The following ZHX2 variants were observed in gnomAD, a reference collection of about 807,000 sequenced individuals.
ZHX2 encodes the protein zinc fingers and homeoboxes protein 2.
A neutral mutation model predicts 21.9 loss-of-function variants in ZHX2; 6 were observed. That is an observed-to-expected ratio of 0.27 (90% CI 0.15 to 0.54). ZHX2 has a LOEUF of 0.54. Ranked by LOEUF, ZHX2 falls within the 20% of genes least tolerant of loss-of-function variation. The probability of loss-of-function intolerance (pLI) is 0.95; values close to 1 mark genes in which losing one functional copy is unlikely to be tolerated. For missense variants in ZHX2, 908 were observed against 1,090.7 expected (o/e 0.83, Z 2.36); for synonymous variants, 434 against 437.1 (o/e 0.99, Z 0.09).
At chr8:122,928,454 G>T (rs1219909007) in intron 2 of ZHX2, among the ~76,000 whole-genome samples, 1 of 151,960 alleles carries the variant, frequency 6.6e-6, no homozygotes, top group South Asian at 2.1e-4. Context: ...GGTTTGGGGG[G>T]TACCTTGGAA....
intron 2 of ZHX2, among the ~76,000 whole-genome samples, chr8:122,930,070 A>G (rs1452063053): frequency 6.6e-6 from 1 of 152,196 alleles, no homozygotes. Context: ...AGGCTCTGAG[A>G]CAGATCACTG....
In ZHX2 at chr8:122,953,748, G is replaced by A; in HGVS notation, c.2238G>A (p.Val746=). The change falls in exon 3 of 4, where the codon GTG becomes GTA. Residue 746 remains valine, a synonymous_variant. Transcript: ENST00000314393. This position sits in a 1 kb window ranked among gnomAD's most constrained non-coding sequence, Gnocchi z 4.6. ...GCGAAGAGGACTTGGAGAAGTTGGT[G>A]ACCAGGGTAAAAGTAGGCAGCGAGC... is the stretch of plus-strand genomic sequence containing the variant. The part of the protein sequence containing the change: ...KLCEEDLEKL[V]TRVKVGSEPA... 1 of 1,614,274 alleles carries A rather than the reference G, an allele frequency of 6.2e-7. No homozygotes were observed. Among genetic ancestry groups the A allele is most frequent in the Admixed American group, 1.7e-5 (1 of 60,028 alleles).
chr8:122,898,297 A>C (rs751901008), intron 2 of ZHX2, among the ~76,000 whole-genome samples: 2 of 152,140 alleles, frequency 1.3e-5, no homozygotes, highest in African/African-American at 2.4e-5. Context: ...AAGAGTAGAA[A>C]AGCCTCAGGG....
intron 2 of ZHX2, among the ~76,000 whole-genome samples, chr8:122,872,640 C>T (rs1563762709): frequency 6.6e-6 from 1 of 152,196 alleles, no homozygotes; most frequent in Admixed American, 6.5e-5. Context: ...AATGAAAACA[C>T]CTATAACTCG....
At chr8:122,824,247 C>A (rs1319218286) in intron 1 of ZHX2, among the ~76,000 whole-genome samples, 1 of 152,136 alleles carries the variant, frequency 6.6e-6, no homozygotes, top group Non-Finnish European at 1.5e-5. Flanking sequence ...AGCTTGTGTA[C>A]TTGTGTACTT....
At chr8:122,938,951 T>C (rs151291609) in intron 2 of ZHX2, among the ~76,000 whole-genome samples, 92 of 152,300 alleles carry the variant, frequency 6.0e-4, no homozygotes, top group Admixed American at 1.3e-3. Context: ...TTTGGCAGTT[T>C]AAGATAAAAT....
intron 1 of ZHX2, among the ~76,000 whole-genome samples, chr8:122,806,347 A>G (rs1295512131): frequency 2.0e-5 from 3 of 152,220 alleles, no homozygotes; most frequent in Non-Finnish European, 4.4e-5. Flanking sequence ...CCTACCCAAT[A>G]GAGCCACTAG....
chr8:122,810,714 G>T (rs568702446), intron 1 of ZHX2: 1 of 152,192 alleles, frequency 6.6e-6, no homozygotes, highest in East Asian at 1.9e-4. Context: ...AAACCTCACT[G>T]CAGAGTCGTG....
rs117554809 is a variant in ZHX2 at position 122,958,738 on chromosome 8, C to G, written c.*4+4710C>G. Among the ~76,000 whole-genome samples the G allele has an allele frequency of 9.3e-4, 141 of 152,358 alleles. 2 individuals carry two copies. In the East Asian group the frequency reaches 0.026, roughly 29 times the overall value. The stretch of plus-strand genomic sequence containing the variant: ...CTGCCCTCTCCAACAGTGGCACCAC[C>G]AGCATAGCCCAGAACAAACAGAGTG... On this transcript the variant is annotated intron_variant, in intron 3 of 3. Coordinates refer to ENST00000314393, the MANE Select transcript of ZHX2 (RefSeq NM_014943.5).
intron 2 of ZHX2, among the ~76,000 whole-genome samples, chr8:122,904,181 C>T (rs191234063): frequency 1.0e-3 from 159 of 152,262 alleles, no homozygotes; most frequent in African/African-American, 3.5e-3. Flanking sequence ...CAAAAGCCCC[C>T]CCAAAAAAGT....
intron 2 of ZHX2, among the ~76,000 whole-genome samples, chr8:122,896,684 A>G (rs1401058636): frequency 1.3e-5 from 2 of 152,224 alleles, no homozygotes; most frequent in Non-Finnish European, 2.9e-5. Flanking sequence ...GGGTTCAGAC[A>G]CATTAAGTCA....
intron 1 of ZHX2, among the ~76,000 whole-genome samples, chr8:122,836,794 G>A (rs375980786): frequency 1.3e-5 from 2 of 152,190 alleles, no homozygotes; most frequent in African/African-American, 2.4e-5. Context: ...CAAGGCTTGC[G>A]CCTTGGTACT....
chr8:122,898,161 T>G (rs888503715), intron 2 of ZHX2, among the ~76,000 whole-genome samples: 1 of 152,178 alleles, frequency 6.6e-6, no homozygotes, highest in African/African-American at 2.4e-5. Context: ...ATGAGGAAAC[T>G]TAACCTCATA....
At chr8:122,827,277 A>G (rs1818283433) in intron 1 of ZHX2, among the ~76,000 whole-genome samples, 2 of 152,180 alleles carry the variant, frequency 1.3e-5, no homozygotes, top group South Asian at 4.1e-4. Context: ...GACTCAGGTG[A>G]TCTGCCTGCT....
chr8:122,935,995 G>A (rs545088192), intron 2 of ZHX2, among the ~76,000 whole-genome samples: 1 of 152,128 alleles, frequency 6.6e-6, no homozygotes, highest in East Asian at 1.9e-4. Context: ...AGTATCTAAG[G>A]CAGTGTCTGG....
At chr8:122,891,105 T>C (rs1317975720) in intron 2 of ZHX2, among the ~76,000 whole-genome samples, 4 of 152,174 alleles carry the variant, frequency 2.6e-5, no homozygotes, top group African/African-American at 9.7e-5. Flanking sequence ...TTTGGACTAG[T>C]TTGAGAAGAA....
In ZHX2 at chr8:122,828,853, AT is replaced by A. The variant is rs1004557301; in HGVS notation, c.-282-34620del. 1.1e-4 allele frequency among the ~76,000 whole-genome samples: 17 copies of A among 152,268 alleles called. No homozygotes were observed. Among genetic ancestry groups the A allele is most frequent in the African/African-American group, 4.1e-4 (17 of 41,562 alleles). ...CCAGGGTGTTGTAGGTTTTTATTTTATTTTATTTTATTTTACACAGAGTACC... is the reference window on the plus strand; with the variant it reads ...CCAGGGTGTTGTAGGTTTTTATTTTATTTATTTTATTTTACACAGAGTACC... On this transcript the variant is annotated intron_variant, in intron 1 of 3. Coordinates refer to ENST00000314393, the MANE Select transcript of ZHX2 (RefSeq NM_014943.5). The surrounding 1 kb of genome is among the most constrained non-coding windows in gnomAD (Gnocchi z 5.2).
chr8:122,864,737 G>C (rs949455763), intron 2 of ZHX2, among the ~76,000 whole-genome samples: 13 of 152,170 alleles, frequency 8.5e-5, no homozygotes, highest in Admixed American at 7.2e-4. Context: ...CTTGGGCAGG[G>C]GCAGTATCAC....
intron 2 of ZHX2, among the ~76,000 whole-genome samples, chr8:122,949,280 G>A (rs778685552): frequency 3.9e-5 from 6 of 152,018 alleles, no homozygotes; most frequent in African/African-American, 1.2e-4. Flanking sequence ...CCAAGACCGC[G>A]CCGTTATACT....
Sources: allele counts gnomAD v4.1 joint callset (sites outside exome capture counted in the v4.1 genomes callset), GRCh38; gene constraint gnomAD v4.1.1; non-coding constraint Gnocchi (gnomAD v3.1); transcripts MANE v1.5; gene names NCBI Gene and HGNC (gene_info 2026-07-23, HGNC 2026-07-21).